TPPP: variants seen among roughly 807,000 people sequenced by gnomAD.
TPPP encodes the protein tubulin polymerization promoting protein.
Under a neutral mutation model 15.5 loss-of-function variants are expected in TPPP, and 6 were observed. That is an observed-to-expected ratio of 0.39 (90% CI 0.21 to 0.77). The LOEUF is 0.77. Among genes scored for constraint, TPPP ranks in the 30% least tolerant of loss-of-function variants. TPPP has a pLI of 0.42. For missense variants in TPPP, 269 were observed against 307.2 expected, an observed-to-expected ratio of 0.88 and a Z score of 0.93; for synonymous variants, 146 against 133.9, an observed-to-expected ratio of 1.09 and a Z score of -0.63.
chr5:668,983 A>G (rs973813801), intron 2 of TPPP, among the ~76,000 whole-genome samples: 3 of 152,186 alleles, frequency 2.0e-5, no homozygotes, highest in African/African-American at 7.2e-5. Flanking sequence ...GAGGGTTCCC[A>G]TACACTTTAC....
intron 1 of TPPP, among the ~76,000 whole-genome samples, chr5:680,817 C>T (rs2452833): frequency 2.0e-5 from 3 of 152,318 alleles, no homozygotes; most frequent in East Asian, 3.9e-4. Flanking sequence ...CATGCATTAG[C>T]TTAACAAAAT....
Position 661,519 on chromosome 5 carries a change from T to TAA in TPPP, c.*3582_*3583insTT, listed in dbSNP as rs1451543764. ...GGTTGTGCAGTTTGTTATTCACAAA[T>TAA]ACACATTTATTTTCTGTTGAACCGT... On this transcript the variant is annotated 3_prime_UTR_variant, in exon 4 of 4. Transcript: ENST00000360578. 6.6e-6 allele frequency: 1 copy of TAA among 152,422 alleles called. No individual in the cohort carries two copies. Among genetic ancestry groups the TAA allele is most frequent in the East Asian group, 1.9e-4 (1 of 5,338 alleles). The allele number at this position is 152,422 out of a possible 1,614,324, so 9.4% of individuals were successfully genotyped here. A position where few individuals can be genotyped will look rare whatever the true frequency, so the allele number is the denominator to read the frequency against.
intron 2 of TPPP, among the ~76,000 whole-genome samples, chr5:666,438 C>T (rs1739917966): frequency 6.6e-6 from 1 of 152,250 alleles, no homozygotes; most frequent in Non-Finnish European, 1.5e-5. Context: ...CCGGGGCCAC[C>T]ACAGCCCCGC....
intron 2 of TPPP, chr5:676,045 A>C (rs1178296538): frequency 6.6e-6 from 1 of 152,102 alleles, no homozygotes; most frequent in Admixed American, 6.5e-5. Context: ...AGCTGTCAGG[A>C]AGACGAACAG....
In TPPP at chr5:661,593, A is replaced by G. The variant is rs1739610370; in HGVS notation, c.*3509T>C. 1 of 152,456 alleles carries G rather than the reference A, an allele frequency of 6.6e-6. No individual in the cohort carries two copies. Among genetic ancestry groups the G allele is most frequent in the Non-Finnish European group, 1.5e-5 (1 of 68,084 alleles). The allele number at this position is 152,456 out of a possible 1,614,324, so 9.4% of individuals were successfully genotyped here. ...TGCATAAAAACATGCAGAAGAGAACACACACCTGCCTGAATTCACAATATT... is the reference window on the plus strand; with the variant it reads ...TGCATAAAAACATGCAGAAGAGAACGCACACCTGCCTGAATTCACAATATT... On this transcript the variant is annotated 3_prime_UTR_variant, in exon 4 of 4. Transcript: ENST00000360578.
At chr5:693,443 G>C (rs1740951300), upstream of TPPP, 1 of 139,308 alleles carries the variant, frequency 7.2e-6, no homozygotes, top group Non-Finnish European at 1.6e-5. Flanking sequence ...CCCAGCGTCC[G>C]GCGCCCGCCC....
At chr5:670,407 A>T (rs1740176414) in intron 2 of TPPP, among the ~76,000 whole-genome samples, 1 of 152,132 alleles carries the variant, frequency 6.6e-6, no homozygotes, top group East Asian at 1.9e-4. Context: ...GGGGCTGTGG[A>T]GGGGAATCTC....
chr5:671,622 G>A (rs930682570), intron 2 of TPPP, among the ~76,000 whole-genome samples: 35 of 152,224 alleles, frequency 2.3e-4, no homozygotes, highest in Non-Finnish European at 4.1e-4. Context: ...TGCCCGGCCT[G>A]CAGGGTACAG....
At chr5:666,592 C>T (rs894224234) in intron 2 of TPPP, among the ~76,000 whole-genome samples, 7 of 151,368 alleles carry the variant, frequency 4.6e-5, no homozygotes, top group East Asian at 1.9e-4. Flanking sequence ...GCAGCATGGG[C>T]GCAGGCCCAC....
intron 2 of TPPP, among the ~76,000 whole-genome samples, chr5:677,235 G>C (rs973281167): frequency 4.6e-5 from 7 of 152,206 alleles, no homozygotes; most frequent in Non-Finnish European, 4.4e-5. Flanking sequence ...CACCCGAATG[G>C]CCAGCTCCAT....
At chr5:684,377 G>A (rs1413989860) in intron 1 of TPPP, among the ~76,000 whole-genome samples, 1 of 152,186 alleles carries the variant, frequency 6.6e-6, no homozygotes, top group African/African-American at 2.4e-5. Context: ...GCGCCTCCTG[G>A]GCCCACGCCG....
chr5:667,846 GCGTGGGCGCCGT>G (rs1739989120), intron 2 of TPPP, among the ~76,000 whole-genome samples: 1 of 146,508 alleles, frequency 6.8e-6, no homozygotes, highest in Non-Finnish European at 1.5e-5. Flanking sequence ...AGAGGGGTCC[GCGTGGGCGCCGT>G]CAGGGAAGTA....
At chr5:696,724 CTGTG>C (rs66593933), upstream of TPPP, among the ~76,000 whole-genome samples, 7 of 68,798 alleles carry the variant, frequency 1.0e-4, 1 homozygote, top group Admixed American at 1.5e-4. Flanking sequence ...GTGTGTGCAC[CTGTG>C]TGTGAGAGTG....
chr5:677,026 G>A, intron 2 of TPPP, among the ~76,000 whole-genome samples: 1 of 149,850 alleles, frequency 6.7e-6, no homozygotes, highest in African/African-American at 2.5e-5. Flanking sequence ...GCGCACACGT[G>A]CACACACGAC....
chr5:684,386 C>T (rs1357330039), intron 1 of TPPP, among the ~76,000 whole-genome samples: 1 of 152,160 alleles, frequency 6.6e-6, no homozygotes, highest in Non-Finnish European at 1.5e-5. Context: ...GGGCCCACGC[C>T]GTGTGGTCCT....
chr5:669,008 GAC>G (rs1263025839), intron 2 of TPPP, among the ~76,000 whole-genome samples: 2 of 152,220 alleles, frequency 1.3e-5, no homozygotes, highest in Non-Finnish European at 2.9e-5. Flanking sequence ...GTGTCCTAAA[GAC>G]ACAACAGACA....
intron 2 of TPPP, among the ~76,000 whole-genome samples, chr5:674,823 A>C (rs1447746572): frequency 1.3e-5 from 2 of 151,688 alleles, no homozygotes; most frequent in Non-Finnish European, 2.9e-5. Flanking sequence ...GCAGCGGCTG[A>C]CATAAGCCCT....
intron 2 of TPPP, among the ~76,000 whole-genome samples, chr5:673,415 G>A (rs190824622): frequency 6.6e-6 from 1 of 152,152 alleles, no homozygotes; most frequent in African/African-American, 2.4e-5. Context: ...GGTGGGGGCA[G>A]CCCTGGGGGG....
At position 666,131 on chromosome 5, in the gene TPPP, G is replaced by A; in HGVS notation, c.312-8C>T. On this transcript the variant is annotated splice_polypyrimidine_tract_variant and splice_region_variant and intron_variant, in intron 2 of 3. Transcript: ENST00000360578. ...GTCCGGCAAGACTTCCCTCTACAGG[G>A]GCACAGGCGACTTAGGGCTGGGCGC... 1 of 1,610,246 alleles carries A rather than the reference G, an allele frequency of 6.2e-7. No individual in the cohort carries two copies.
Sources: gnomAD v4.1 joint callset for allele counts (sites outside exome capture counted in the v4.1 genomes callset) on GRCh38, gnomAD v4.1.1 for gene constraint, MANE v1.5 for transcripts, NCBI Gene and HGNC (gene_info 2026-07-23, HGNC 2026-07-21) for gene names.